ABHD18: variants seen among roughly 807,000 people sequenced by gnomAD.
The protein encoded by ABHD18 is abhydrolase domain containing 18, also known as cardiolipin-specific deacylase, mitochondrial.
ABHD18 carries 55 observed loss-of-function variants against 65.9 expected under a neutral mutation model. The ratio of observed to expected loss-of-function variants is 0.84; its 90% CI spans 0.67 to 1.05. The LOEUF is 1.05. Ranked by LOEUF, ABHD18 falls within the 50% of genes least tolerant of loss-of-function variation. The pLI is 0.00. For synonymous variants in ABHD18, 181 were observed against 180.2 expected, an observed-to-expected ratio of 1.00 and a Z score of -0.04; for missense variants, 533 against 558.5, an observed-to-expected ratio of 0.95 and a Z score of 0.46.
chr4:128,030,648 A>T lies in ABHD18; in HGVS notation c.1319A>T (p.Tyr440Phe). Reference sequence around the variant, plus strand: ...TTAGAAGGGGGTCATATTAGTGCTTATCTTTTTAAACAAGGACTCTTCAGG... The same window carrying T: ...TTAGAAGGGGGTCATATTAGTGCTTTTCTTTTTAAACAAGGACTCTTCAGG... ...RYLEGGHISA[Y>F]LFKQGLFRQA... The change falls in exon 12 of 13, where the codon TAT (tyrosine) becomes TTT (phenylalanine). Residue 440 changes from tyrosine (Y) to phenylalanine (F), a missense_variant. Physicochemically the swap from Tyr to Phe is conservative, Grantham distance 22. Around this residue, in one of 3 missense-constraint regions of ABHD18, gnomAD observed 220 missense variants for 226.8 expected, o/e 0.97. Transcript: ENST00000645843. The T allele has an allele frequency of 3.1e-6, 5 of 1,596,304 alleles. No homozygotes were observed. Among genetic ancestry groups the T allele is most frequent in the Non-Finnish European group, 3.4e-6 (4 of 1,176,480 alleles).
intron 6 of ABHD18, 82 bp from the exon 7 acceptor site, chr4:128,011,591 A>G: frequency 9.3e-7 from 1 of 1,073,248 alleles, no homozygotes; most frequent in Non-Finnish European, 1.3e-6. Flanking sequence ...TAAATTGTGT[A>G]AAATTTAACT....
chr4:128,022,202 C>A (rs972769414), intron 10 of ABHD18, among the ~76,000 whole-genome samples: 2 of 152,192 alleles, frequency 1.3e-5, no homozygotes, highest in Non-Finnish European at 2.9e-5. Context: ...ACGTTGTGCA[C>A]ATGTACCCTG....
chr4:128,034,052 A>G (rs1579496094), intron 12 of ABHD18, among the ~76,000 whole-genome samples: 1 of 135,102 alleles, frequency 7.4e-6, no homozygotes, highest in South Asian at 2.3e-4. Context: ...TCCGCCTCCC[A>G]GGTTCAAGCA....
intron 2 of ABHD18, among the ~76,000 whole-genome samples, chr4:127,983,886 A>T (rs530167826): frequency 3.9e-4 from 60 of 152,160 alleles, no homozygotes; most frequent in African/African-American, 1.3e-3. Flanking sequence ...AAAAAATACA[A>T]AAATTAGCCA....
chr4:128,001,843 T>A, intron 4 of ABHD18: 1 of 1,344,234 alleles, frequency 7.4e-7, no homozygotes, highest in Non-Finnish European at 9.6e-7. Context: ...TTTGTTTTGT[T>A]TTGTTTTTTT....
chr4:128,017,530 A>G, intron 8 of ABHD18, 29 bp downstream of exon 8: 1 of 1,561,484 alleles, frequency 6.4e-7, no homozygotes, highest in Non-Finnish European at 8.6e-7. Flanking sequence ...GCTTACATTT[A>G]ATTATGTTTA....
In ABHD18 at chr4:127,989,823, T is replaced by A; in HGVS notation, c.278+2T>A. 6.5e-7 allele frequency: 1 copy of A among 1,542,106 alleles called. No homozygotes were observed. Among genetic ancestry groups the A allele is most frequent in the Non-Finnish European group, 8.8e-7 (1 of 1,142,464 alleles). The stretch of plus-strand genomic sequence containing the variant: ...GCCAATTGAATCTGTTATTGCAAGG[T>A]AAGAATTTTTTTGTTCAAAAAGATG... On this transcript the variant is annotated splice_donor_variant, in intron 4 of 12. Transcript: ENST00000645843. LOFTEE classifies it high-confidence loss of function.
intron 4 of ABHD18, among the ~76,000 whole-genome samples, chr4:128,007,626 A>T (rs939423029): frequency 2.0e-5 from 3 of 151,758 alleles, no homozygotes; most frequent in African/African-American, 7.3e-5. Flanking sequence ...CTGTAATCCC[A>T]GCTACTTGGG....
intron 1 of ABHD18, among the ~76,000 whole-genome samples, chr4:127,981,771 A>G (rs1579176115): frequency 6.6e-6 from 1 of 152,216 alleles, no homozygotes; most frequent in East Asian, 1.9e-4. Flanking sequence ...CCCCACATTT[A>G]TCAAAGAGCC....
intron 12 of ABHD18, among the ~76,000 whole-genome samples, chr4:128,034,201 C>T (rs1439683120): frequency 6.6e-6 from 1 of 151,956 alleles, no homozygotes; most frequent in Non-Finnish European, 1.5e-5. Flanking sequence ...TTGTGATCCG[C>T]CCTCCTTGGC....
rs759905589 is a variant in ABHD18 at position 128,017,343 on chromosome 4, A to G, written c.471-20A>G. On this transcript the variant is annotated intron_variant, in intron 7 of 12. Transcript: ENST00000645843. ...TAAATACATAAAATAATCATTTTCT[A>G]TTTTGTTTTGTGAGGCTAGAAGGTC... 8 of 1,604,642 alleles carry G rather than the reference A, an allele frequency of 5.0e-6. No homozygotes were observed. The highest frequency in any genetic ancestry group is 4.5e-5 in the East Asian group (2 of 44,800).
chr4:127,993,335 T>C (rs1372426957), intron 4 of ABHD18, among the ~76,000 whole-genome samples: 1 of 152,190 alleles, frequency 6.6e-6, no homozygotes, highest in African/African-American at 2.4e-5. Context: ...GAGGAACGGT[T>C]CTTTCCAGTT....
chr4:128,017,355 G>A lies in ABHD18; in HGVS notation c.471-8G>A, dbSNP rs761475493. On this transcript the variant is annotated splice_polypyrimidine_tract_variant and splice_region_variant and intron_variant, in intron 7 of 12. Transcript: ENST00000645843. ...ATAATCATTTTCTATTTTGTTTTGT[G>A]AGGCTAGAAGGTCCAGCTTAAAAAA... 3 of 1,605,270 alleles carry A rather than the reference G, an allele frequency of 1.9e-6. No homozygotes were observed. In the South Asian group the frequency reaches 3.4e-5, roughly 18 times the overall value.
rs956111255 is a variant in ABHD18 at position 128,039,209 on chromosome 4, A to T, written c.*3396A>T. The T allele has an allele frequency of 4.9e-5, 7 of 144,146 alleles. No homozygotes were observed. Among genetic ancestry groups the T allele is most frequent in the Admixed American group, 4.3e-4 (6 of 14,110 alleles). The allele number at this position is 144,146 out of a possible 1,614,324, so 8.9% of individuals were successfully genotyped here. On this transcript the variant is annotated 3_prime_UTR_variant, in exon 13 of 13. Coordinates refer to ENST00000645843, the MANE Select transcript of ABHD18 (RefSeq NM_001358451.3). ...TAATCTCAAAGAAGTGCGGTCTGCC[A>T]TTTATCTGCCATTTTGAGGATTTAG... is the stretch of plus-strand genomic sequence containing the variant.
At position 128,039,693 on chromosome 4, in the gene ABHD18, A is replaced by T. The variant is rs1449706509; in HGVS notation, c.*3880A>T. 1 of 152,154 alleles carries T rather than the reference A, an allele frequency of 6.6e-6. No homozygotes were observed. The highest frequency in any genetic ancestry group is 1.5e-5 in the Non-Finnish European group (1 of 68,028). The allele number at this position is 152,154 out of a possible 1,614,324, so 9.4% of individuals were successfully genotyped here. On this transcript the variant is annotated 3_prime_UTR_variant, in exon 13 of 13. Transcript: ENST00000645843. ...ATCTTTTATTATATTTCACAGTAAA[A>T]GTCTATTTAAAAAGCTAATCATTTG...
At chr4:128,030,410 CA>C in intron 11 of ABHD18, 99 bp from the exon 12 acceptor site, 1 of 793,900 alleles carries the variant, frequency 1.3e-6, no homozygotes, top group Non-Finnish European at 1.8e-6. Flanking sequence ...TTAATTTAAT[CA>C]AAAATGTTTA....
At chr4:128,001,681 T>G (rs1188749988) in intron 4 of ABHD18, 1 of 1,527,518 alleles carries the variant, frequency 6.5e-7, no homozygotes, top group Admixed American at 2.2e-5. Flanking sequence ...CTTCAGAATT[T>G]AGAAGGTTTT....
chr4:127,971,863 T>C (rs1746887919), intron 1 of ABHD18, among the ~76,000 whole-genome samples: 1 of 152,056 alleles, frequency 6.6e-6, no homozygotes, highest in Admixed American at 6.6e-5. Flanking sequence ...CCATTTCCAC[T>C]CCAACTGGGT....
At chr4:127,990,984 C>T (rs115059961) in intron 4 of ABHD18, among the ~76,000 whole-genome samples, 2,189 of 152,014 alleles carry the variant, frequency 0.014, 63 homozygotes, top group African/African-American at 0.05. Flanking sequence ...ATGTCTCAGC[C>T]GCCTGAGTAG....
Sources: allele counts gnomAD v4.1 joint callset (sites outside exome capture counted in the v4.1 genomes callset), GRCh38; gene constraint gnomAD v4.1.1; regional missense constraint gnomAD v4.1.1; transcripts MANE v1.5; gene names NCBI Gene and HGNC (gene_info 2026-07-23, HGNC 2026-07-21).